CLIC4: variants seen among roughly 807,000 people sequenced by gnomAD.
CLIC4 encodes the protein CLIC family member 4, also known as chloride intracellular channel protein 4.
CLIC4 carries 13 observed loss-of-function variants against 24.6 expected under a neutral mutation model. That is an observed-to-expected ratio of 0.53 (90% CI 0.34 to 0.84). CLIC4 has a LOEUF of 0.84. CLIC4 is among the 40% of genes least tolerant of loss of function. CLIC4 has a pLI of 0.01. For missense variants in CLIC4, 227 were observed against 301.7 expected, an observed-to-expected ratio of 0.75 and a Z score of 1.83; for synonymous variants, 104 against 111.3, an observed-to-expected ratio of 0.93 and a Z score of 0.41.
At chr1:24,812,987 G>T (rs1356981380) in intron 2 of CLIC4, among the ~76,000 whole-genome samples, 2 of 151,502 alleles carry the variant, frequency 1.3e-5, no homozygotes, top group Non-Finnish European at 2.9e-5. Context: ...AAAATGCTGG[G>T]ATTAGAGGCG....
At chr1:24,779,090 A>C (rs374590584) in intron 1 of CLIC4, among the ~76,000 whole-genome samples, 2 of 152,196 alleles carry the variant, frequency 1.3e-5, no homozygotes, top group South Asian at 2.1e-4. Flanking sequence ...TATAAACATT[A>C]AAAAAATAAT....
chr1:24,771,796 C>T (rs1041176392), intron 1 of CLIC4: 6 of 502,538 alleles, frequency 1.2e-5, no homozygotes, highest in Non-Finnish European at 2.4e-5. Flanking sequence ...CTAAACCTAA[C>T]AGATTGGTTT....
At chr1:24,791,521 C>G (rs1226346600) in intron 1 of CLIC4, among the ~76,000 whole-genome samples, 1 of 152,144 alleles carries the variant, frequency 6.6e-6, no homozygotes, top group Non-Finnish European at 1.5e-5. Context: ...GGGTGGATCA[C>G]TTGAGTTCAG....
intron 1 of CLIC4, among the ~76,000 whole-genome samples, chr1:24,768,427 TAAAGAG>T (rs977276016): frequency 6.6e-6 from 1 of 152,204 alleles, no homozygotes; most frequent in African/African-American, 2.4e-5. Flanking sequence ...ACATTTCTCT[TAAAGAG>T]AAGAGATTAA....
At chr1:24,802,711 C>CTTT (rs535381018) in intron 2 of CLIC4, among the ~76,000 whole-genome samples, 145 of 136,918 alleles carry the variant, frequency 1.1e-3, no homozygotes, top group African/African-American at 3.7e-3. Context: ...TTTTCTTTTT[C>CTTT]TTTTTTTTTT....
Position 24,818,414 on chromosome 1 carries a change from G to C in CLIC4, c.308+4195G>C, listed in dbSNP as rs564015386. The stretch of plus-strand genomic sequence containing the variant: ...TGATTCTTGTGCTTCAGCCTCCCAA[G>C]TAGCTGGGATTACAGGCACCTGCCA... On this transcript the variant is annotated intron_variant, in intron 3 of 5. Transcript: ENST00000374379. Among the ~76,000 whole-genome samples, 4 of 152,174 alleles carry C rather than the reference G, an allele frequency of 2.6e-5. No individual in the cohort carries two copies. The East Asian group carries it at 7.7e-4, about 29-fold the overall frequency.
At chr1:24,801,987 G>A (rs923437023) in intron 2 of CLIC4, among the ~76,000 whole-genome samples, 3 of 151,700 alleles carry the variant, frequency 2.0e-5, no homozygotes, top group African/African-American at 7.3e-5. Flanking sequence ...TTTTATACAT[G>A]TGTACACAAA....
chr1:24,770,140 G>A (rs1639053486), intron 1 of CLIC4, among the ~76,000 whole-genome samples: 1 of 152,098 alleles, frequency 6.6e-6, no homozygotes, highest in Non-Finnish European at 1.5e-5. Context: ...ATGAGCCATT[G>A]TGCTTGGCCT....
chr1:24,777,275 G>T (rs1370022237), intron 1 of CLIC4, among the ~76,000 whole-genome samples: 1 of 152,184 alleles, frequency 6.6e-6, no homozygotes, highest in African/African-American at 2.4e-5. Context: ...GCCAGGCACG[G>T]TGGCTCACGC....
intron 2 of CLIC4, among the ~76,000 whole-genome samples, chr1:24,801,184 C>T (rs1004688277): frequency 6.6e-6 from 1 of 151,988 alleles, no homozygotes; most frequent in Non-Finnish European, 1.5e-5. Context: ...ATTTTTAAAA[C>T]TATTAGTCTG....
chr1:24,840,295 G>A (rs963694507), intron 5 of CLIC4, among the ~76,000 whole-genome samples: 14 of 152,112 alleles, frequency 9.2e-5, no homozygotes, highest in African/African-American at 3.1e-4. Context: ...GCGTGACTTT[G>A]AATTGGAGTT....
At chr1:24,766,179 A>G (rs1390956975) in intron 1 of CLIC4, among the ~76,000 whole-genome samples, 1 of 151,384 alleles carries the variant, frequency 6.6e-6, no homozygotes, top group Non-Finnish European at 1.5e-5. Context: ...TAATTTTTGT[A>G]TTTTTAGTGG....
intron 3 of CLIC4, among the ~76,000 whole-genome samples, chr1:24,823,257 TA>T (rs1435344701): frequency 6.6e-6 from 1 of 152,244 alleles, no homozygotes; most frequent in Non-Finnish European, 1.5e-5. Flanking sequence ...CTATAGGTTT[TA>T]AAGTGAACTT....
chr1:24,800,383 G>C (rs1449310412), intron 2 of CLIC4, among the ~76,000 whole-genome samples: 2 of 146,998 alleles, frequency 1.4e-5, no homozygotes, highest in Non-Finnish European at 3.0e-5. Context: ...GCCCCGTCCG[G>C]GAGGGAGGTG....
intron 1 of CLIC4, among the ~76,000 whole-genome samples, chr1:24,795,556 A>T (rs1639388581): frequency 6.6e-6 from 1 of 152,070 alleles, no homozygotes. Context: ...AAATAAAAAA[A>T]AAACAGGATA....
chr1:24,799,776 T>A (rs61774671), intron 2 of CLIC4, among the ~76,000 whole-genome samples: 1 of 76,692 alleles, frequency 1.3e-5, no homozygotes, highest in Non-Finnish European at 2.8e-5. Flanking sequence ...CCCGGCCAGC[T>A]GCCCCGTCTG....
At chr1:24,759,520 C>A (rs1041351557) in intron 1 of CLIC4, among the ~76,000 whole-genome samples, 1 of 151,440 alleles carries the variant, frequency 6.6e-6, no homozygotes, top group African/African-American at 2.4e-5. Flanking sequence ...GAAATAGAAG[C>A]TTAAGAAATG....
At chr1:24,775,224 C>CTTTCTTTTTTTT (rs1639119913) in intron 1 of CLIC4, among the ~76,000 whole-genome samples, 2 of 90,664 alleles carry the variant, frequency 2.2e-5, no homozygotes, top group Non-Finnish European at 4.2e-5. Flanking sequence ...TTCTTTCTTT[C>CTTTCTTTTTTTT]TTTTTTTTTT....
At chr1:24,826,810 A>T (rs1211363387) in intron 3 of CLIC4, among the ~76,000 whole-genome samples, 200 bp from the exon 4 acceptor site, 1 of 152,222 alleles carries the variant, frequency 6.6e-6, no homozygotes, top group Non-Finnish European at 1.5e-5. Context: ...GAATATTAAT[A>T]TGTGAACAAA....
Sources: gnomAD v4.1 joint callset for allele counts (sites outside exome capture counted in the v4.1 genomes callset) on GRCh38, gnomAD v4.1.1 for gene constraint, MANE v1.5 for transcripts, NCBI Gene and HGNC (gene_info 2026-07-23, HGNC 2026-07-21) for gene names.